MIS18A: variants seen among roughly 807,000 people sequenced by gnomAD.
MIS18A encodes MIS18 kinetochore protein A, also known as protein Mis18-alpha.
MIS18A carries 14 observed loss-of-function variants against 25.0 expected under a neutral mutation model. The observed-to-expected ratio is 0.56, with a 90% CI of 0.37 to 0.88. MIS18A has a LOEUF of 0.88. Ranked by LOEUF, MIS18A falls within the 40% of genes least tolerant of loss-of-function variation. MIS18A has a pLI of 0.00. For synonymous variants in MIS18A, 134 were observed against 118.6 expected (o/e 1.13, Z -0.84); for missense variants, 292 against 290.8 (o/e 1.00, Z -0.03).
At chr21:32,203,486 C>T in the MIS18A span, among the ~76,000 whole-genome samples, 4 of 144,408 alleles carry the variant, frequency 2.8e-5, no homozygotes, top group East Asian at 8.0e-4. Context: ...CAATACCATC[C>T]TTGGGAGCTT....
At chr21:32,249,214 C>A in the MIS18A span, among the ~76,000 whole-genome samples, 1,620 of 152,272 alleles carry the variant, frequency 0.011, 30 homozygotes, top group African/African-American at 0.036. Context: ...CATCACAGAG[C>A]AATGAGAGAG....
the MIS18A span, among the ~76,000 whole-genome samples, chr21:32,166,429 C>T: frequency 1.3e-5 from 2 of 152,058 alleles, no homozygotes; most frequent in African/African-American, 4.8e-5. Context: ...GATTCTAGGG[C>T]TGGGACAGGG....
At chr21:32,251,884 G>A in the MIS18A span, among the ~76,000 whole-genome samples, 1 of 152,124 alleles carries the variant, frequency 6.6e-6, no homozygotes, top group Non-Finnish European at 1.5e-5. Context: ...TTGATCAGAT[G>A]CTACAGTCCT....
chr21:32,210,689 C>T, the MIS18A span, among the ~76,000 whole-genome samples: 7 of 152,196 alleles, frequency 4.6e-5, no homozygotes, highest in Admixed American at 2.6e-4. Flanking sequence ...CAACTCGGGG[C>T]GTTAACAGTT....
the MIS18A span, among the ~76,000 whole-genome samples, chr21:32,262,787 A>C: frequency 2.0e-5 from 3 of 152,368 alleles, no homozygotes; most frequent in Non-Finnish European, 4.4e-5. Context: ...AGAGGTCCAC[A>C]GAGCCAACTT....
At chr21:32,261,763 A>G in the MIS18A span, among the ~76,000 whole-genome samples, 1 of 152,270 alleles carries the variant, frequency 6.6e-6, no homozygotes, top group Admixed American at 6.5e-5. Flanking sequence ...CACACGACAC[A>G]GCCAAGAAGA....
chr21:32,258,329 C>CT, the MIS18A span, among the ~76,000 whole-genome samples: 4 of 152,094 alleles, frequency 2.6e-5, no homozygotes, highest in South Asian at 8.3e-4. Flanking sequence ...TGTTAGCAGT[C>CT]TGATGGGGGC....
At chr21:32,256,874 G>T in the MIS18A span, among the ~76,000 whole-genome samples, 23 of 152,014 alleles carry the variant, frequency 1.5e-4, no homozygotes, top group African/African-American at 4.8e-4. Flanking sequence ...CAGAGCTACA[G>T]AAAAATGCAT....
chr21:32,236,664 G>A, the MIS18A span, among the ~76,000 whole-genome samples: 1 of 152,094 alleles, frequency 6.6e-6, no homozygotes, highest in Non-Finnish European at 1.5e-5. Flanking sequence ...CAGCAAGTGG[G>A]AACAGGTAAA....
the MIS18A span, among the ~76,000 whole-genome samples, chr21:32,160,303 C>T: frequency 1.3e-5 from 2 of 150,834 alleles, no homozygotes; most frequent in South Asian, 4.2e-4. Flanking sequence ...CACACACACA[C>T]ACACACACAC....
chr21:32,247,980 C>A, the MIS18A span, among the ~76,000 whole-genome samples: 2 of 152,202 alleles, frequency 1.3e-5, no homozygotes, highest in African/African-American at 4.8e-5. Flanking sequence ...ATGTGAAGAG[C>A]TGGAACTGAG....
At chr21:32,254,265 C>T in the MIS18A span, among the ~76,000 whole-genome samples, 1 of 142,170 alleles carries the variant, frequency 7.0e-6, no homozygotes, top group Non-Finnish European at 1.5e-5. Flanking sequence ...TTTGGCCAGG[C>T]GTGGTGGCTC....
chr21:32,203,023 T>C, the MIS18A span, among the ~76,000 whole-genome samples: 5 of 152,310 alleles, frequency 3.3e-5, no homozygotes, highest in East Asian at 9.7e-4. Context: ...AATATGGTAA[T>C]TCTATTTTTA....
the MIS18A span, among the ~76,000 whole-genome samples, chr21:32,254,763 A>C: frequency 6.6e-6 from 1 of 152,128 alleles, no homozygotes; most frequent in African/African-American, 2.4e-5. Flanking sequence ...TGTTCATTCC[A>C]CATCTTAATC....
chr21:32,227,655 C>T, the MIS18A span, among the ~76,000 whole-genome samples: 1 of 152,168 alleles, frequency 6.6e-6, no homozygotes, highest in African/African-American at 2.4e-5. Context: ...CAATTCTTCA[C>T]AAACTCTTCC....
chr21:32,230,873 C>T, the MIS18A span, among the ~76,000 whole-genome samples: 13 of 152,224 alleles, frequency 8.5e-5, no homozygotes, highest in Admixed American at 3.3e-4. Flanking sequence ...AGCAAAAATA[C>T]ACATATATGA....
chr21:32,246,363 C>T, the MIS18A span, among the ~76,000 whole-genome samples: 1 of 152,058 alleles, frequency 6.6e-6, no homozygotes, highest in Admixed American at 6.5e-5. Context: ...ACACGCCCTT[C>T]GGTACGCCCC....
the MIS18A span, among the ~76,000 whole-genome samples, chr21:32,247,066 T>C: frequency 6.6e-6 from 1 of 152,158 alleles, no homozygotes; most frequent in Admixed American, 6.5e-5. Context: ...GCAACTCTCG[T>C]CAACACCAAT....
chr21:32,277,813 A>C (rs1436612965), intron 1 of MIS18A: 1 of 152,254 alleles, frequency 6.6e-6, no homozygotes, highest in East Asian at 1.9e-4. Flanking sequence ...GCAAAGAGTT[A>C]ATCTCAACTT....
Sources: gnomAD v4.1 joint callset for allele counts (sites outside exome capture counted in the v4.1 genomes callset) on GRCh38, gnomAD v4.1.1 for gene constraint, MANE v1.5 for transcripts, NCBI Gene and HGNC (gene_info 2026-07-23, HGNC 2026-07-21) for gene names.